The following CDS1 variants were observed in gnomAD, a reference collection of about 807,000 sequenced individuals.
CDS1 encodes CDP-diacylglycerol synthase 1.
CDS1 carries 41 observed loss-of-function variants against 62.1 expected under a neutral mutation model. The observed-to-expected ratio is 0.66, with a 90% confidence interval of 0.51 to 0.86. The LOEUF (loss-of-function observed/expected upper bound fraction) is 0.86, where lower values mean the gene tolerates loss of function less well. Among genes scored for constraint, CDS1 ranks in the 40% least tolerant of loss-of-function variants. The pLI is 0.00. For synonymous variants in CDS1, 185 were observed against 192.6 expected, an observed-to-expected ratio of 0.96 and a Z score of 0.32; for missense variants, 470 against 550.1, an observed-to-expected ratio of 0.85 and a Z score of 1.46.
chr4:84,641,696 C>G (rs900597241), intron 10 of CDS1, among the ~76,000 whole-genome samples: 1 of 152,146 alleles, frequency 6.6e-6, no homozygotes, highest in African/African-American at 2.4e-5. Context: ...ATCTTGGAGG[C>G]CTTACACTAG....
chr4:84,635,762 CTT>C (rs1161584979), intron 8 of CDS1, among the ~76,000 whole-genome samples: 1 of 130,290 alleles, frequency 7.7e-6, no homozygotes, highest in Non-Finnish European at 1.6e-5. Flanking sequence ...CTTTTCTTTC[CTT>C]TTTTTTTTTG....
intron 1 of CDS1, among the ~76,000 whole-genome samples, chr4:84,598,762 C>G (rs935411226): frequency 6.6e-6 from 1 of 152,132 alleles, no homozygotes; most frequent in African/African-American, 2.4e-5. Context: ...CTTGCCACTG[C>G]GCCCAGCTCT....
intron 2 of CDS1, 91 bp downstream of exon 2, chr4:84,604,461 T>C: frequency 7.6e-7 from 1 of 1,319,148 alleles, no homozygotes; most frequent in Non-Finnish European, 1.1e-6. Flanking sequence ...TTTTTGTAAG[T>C]TTTCCAGCCA....
intron 7 of CDS1, 81 bp downstream of exon 7, chr4:84,634,020 A>T: frequency 1.4e-6 from 1 of 725,830 alleles, no homozygotes; most frequent in Non-Finnish European, 2.2e-6. Flanking sequence ...TGTCTTACAG[A>T]TTTCTACTAA....
intron 5 of CDS1, among the ~76,000 whole-genome samples, chr4:84,628,709 T>C (rs1303081835): frequency 6.6e-6 from 1 of 152,174 alleles, no homozygotes; most frequent in Non-Finnish European, 1.5e-5. Context: ...ATTTTTACTT[T>C]TATTTCATAG....
At chr4:84,593,098 A>G (rs1464223477) in intron 1 of CDS1, among the ~76,000 whole-genome samples, 1 of 152,206 alleles carries the variant, frequency 6.6e-6, no homozygotes, top group Non-Finnish European at 1.5e-5. Flanking sequence ...TCTACTTACT[A>G]TGCTTGTACT....
chr4:84,611,493 G>T (rs1432192774), intron 3 of CDS1, among the ~76,000 whole-genome samples: 2 of 151,802 alleles, frequency 1.3e-5, no homozygotes, highest in African/African-American at 4.8e-5. Context: ...ATATGATATG[G>T]TTTTCCTTTT....
intron 8 of CDS1, among the ~76,000 whole-genome samples, chr4:84,636,086 C>T (rs1021157006): frequency 6.6e-6 from 1 of 151,918 alleles, no homozygotes; most frequent in Non-Finnish European, 1.5e-5. Flanking sequence ...GCCATTGGTG[C>T]AGTTCTTCTT....
chr4:84,619,250 A>G, intron 4 of CDS1, 144 bp from the exon 5 acceptor site: 1 of 444,504 alleles, frequency 2.2e-6, no homozygotes, highest in Non-Finnish European at 3.9e-6. Flanking sequence ...ACAGGAAAAT[A>G]GCATTTTGGT....
At chr4:84,642,688 A>G (rs1042572766) in intron 10 of CDS1, among the ~76,000 whole-genome samples, 1 of 152,230 alleles carries the variant, frequency 6.6e-6, no homozygotes, top group Non-Finnish European at 1.5e-5. Flanking sequence ...AAGCATTACT[A>G]GTTTAAAAAA....
intron 1 of CDS1, among the ~76,000 whole-genome samples, chr4:84,586,210 A>G (rs1430654118): frequency 6.6e-6 from 1 of 152,130 alleles, no homozygotes; most frequent in East Asian, 1.9e-4. Context: ...TTTGTGGAAG[A>G]CACTTTTTTC....
chr4:84,609,144 A>C (rs1360635710), intron 2 of CDS1, among the ~76,000 whole-genome samples: 3 of 145,644 alleles, frequency 2.1e-5, no homozygotes, highest in Non-Finnish European at 3.0e-5. Flanking sequence ...ACGCCACTGC[A>C]CTCCAGCCTG....
At chr4:84,634,114 T>A (rs1724106548) in intron 7 of CDS1, among the ~76,000 whole-genome samples, 175 bp downstream of exon 7, 1 of 152,192 alleles carries the variant, frequency 6.6e-6, no homozygotes, top group Non-Finnish European at 1.5e-5. Context: ...ACAAAATGCT[T>A]CATTAACAAC....
chr4:84,623,760 T>C (rs141932720), intron 5 of CDS1, among the ~76,000 whole-genome samples: 1 of 152,336 alleles, frequency 6.6e-6, no homozygotes, highest in Non-Finnish European at 1.5e-5. Flanking sequence ...TTAGCCGTTC[T>C]AACCCCAGGC....
chr4:84,623,460 A>C (rs1230792402), intron 5 of CDS1, among the ~76,000 whole-genome samples: 2 of 152,196 alleles, frequency 1.3e-5, no homozygotes, highest in Non-Finnish European at 2.9e-5. Flanking sequence ...GTTTCTGTAG[A>C]AAATACGTTT....
intron 5 of CDS1, among the ~76,000 whole-genome samples, chr4:84,627,287 A>G (rs1481274038): frequency 1.3e-5 from 2 of 152,204 alleles, no homozygotes; most frequent in Non-Finnish European, 2.9e-5. Flanking sequence ...GACTTGTTTA[A>G]TATTATACAA....
chr4:84,617,046 A>G (rs931327329), intron 3 of CDS1, among the ~76,000 whole-genome samples: 2 of 152,202 alleles, frequency 1.3e-5, no homozygotes, highest in Admixed American at 6.5e-5. Context: ...TGAAAAGGCC[A>G]TTCCAGGGTG....
chr4:84,640,528 A>C (rs1724346132), intron 9 of CDS1, among the ~76,000 whole-genome samples: 1 of 152,122 alleles, frequency 6.6e-6, no homozygotes, highest in Non-Finnish European at 1.5e-5. Context: ...AACTGATGAA[A>C]TTAATAGAAG....
intron 10 of CDS1, among the ~76,000 whole-genome samples, chr4:84,642,650 AATATTAAATTATATAATT>A: frequency 1.3e-5 from 2 of 152,180 alleles, no homozygotes; most frequent in Non-Finnish European, 2.9e-5. Flanking sequence ...AATAAAATAC[AATATTAAATTATATAATT>A]ACAGCAACAA....
Sources: allele counts gnomAD v4.1 joint callset (sites outside exome capture counted in the v4.1 genomes callset), GRCh38; gene constraint gnomAD v4.1.1; transcripts MANE v1.5; gene names NCBI Gene and HGNC (gene_info 2026-07-23, HGNC 2026-07-21).